The following CC2D1B variants were observed in gnomAD, a reference collection of about 807,000 sequenced individuals.
CC2D1B encodes the protein coiled-coil and C2 domain-containing protein 1B.
Under a neutral mutation model 110.8 loss-of-function variants are expected in CC2D1B, and 92 were observed. The observed-to-expected ratio is 0.83, with a 90% CI of 0.70 to 0.99. The LOEUF is 0.99. Ranked by LOEUF, CC2D1B falls within the 50% of genes least tolerant of loss-of-function variation. The pLI, the probability that CC2D1B is intolerant of heterozygous loss-of-function variation, is 0.00. For missense variants in CC2D1B, 1,136 were observed against 1,089.0 expected, an observed-to-expected ratio of 1.04 and a Z score of -0.61; for synonymous variants, 406 against 429.2, an observed-to-expected ratio of 0.95 and a Z score of 0.67.
intron 1 of CC2D1B, among the ~76,000 whole-genome samples, chr1:52,365,709 AG>A (rs902363029): frequency 2.6e-5 from 4 of 152,194 alleles, no homozygotes; most frequent in Non-Finnish European, 5.9e-5. Context: ...CACAGAAGGT[AG>A]GGGGAAAAGG....
rs1039101713 is a variant in CC2D1B at position 52,354,520 on chromosome 1, A to T, written c.2430+88T>A. ...GAGAATTTCAAATTAAGTAATGAGCACGAAAACCTACAACAAGGTGTGGCA... is the reference window on the plus strand; with the variant it reads ...GAGAATTTCAAATTAAGTAATGAGCTCGAAAACCTACAACAAGGTGTGGCA... On this transcript the variant is annotated intron_variant, in intron 23 of 24. Coordinates refer to ENST00000284376, the MANE Select transcript of CC2D1B (RefSeq NM_001330585.2). The T allele has an allele frequency of 1.4e-5, 15 of 1,082,208 alleles. No homozygotes were observed. In the African/African-American group the frequency reaches 2.2e-4, roughly 16 times the overall value. 67.0% of individuals were successfully genotyped at this position (1,082,208 alleles called of 1,614,324 possible). A position where few individuals can be genotyped will look rare whatever the true frequency, so the allele number is the denominator to read the frequency against.
Position 52,364,638 on chromosome 1 carries a change from T to G in CC2D1B, c.-14-4A>C, listed in dbSNP as rs1371016910. 8.8e-6 allele frequency: 14 copies of G among 1,594,100 alleles called. No homozygotes were observed. The highest frequency in any genetic ancestry group is 1.7e-4 in the Middle Eastern group (1 of 6,000). On this transcript the variant is annotated splice_region_variant and splice_polypyrimidine_tract_variant and intron_variant, in intron 1 of 24. Transcript: ENST00000284376. ...GGCATCATGGCAGCCTAGATACCTATGGAAGAGTTACAGAGATTCAGGCTG... is the reference window on the plus strand; with the variant it reads ...GGCATCATGGCAGCCTAGATACCTAGGGAAGAGTTACAGAGATTCAGGCTG...
intron 23 of CC2D1B, 121 bp downstream of exon 23, chr1:52,354,487 C>T: frequency 1.1e-6 from 1 of 878,970 alleles, no homozygotes; most frequent in Non-Finnish European, 1.9e-6. Context: ...ACTCTAAGCA[C>T]ACTTGTGGAG....
Position 52,357,535 on chromosome 1 carries a change from A to G in CC2D1B, c.1743T>C (p.Asp581=), listed in dbSNP as rs1284401414. The G allele has an allele frequency of 5.1e-6, 8 of 1,576,818 alleles. No individual in the cohort carries two copies. Among genetic ancestry groups the G allele is most frequent in the Non-Finnish European group, 6.9e-6 (8 of 1,159,760 alleles). ...ACCAGGTGGGACTCACCTTGGACAG[A>G]TCAACAGGTCTGCCAGATCGGGCCT... ...IIQARSGRPV[D]LSKVPSPLTD... is the part of the protein sequence containing the mutation. Residue 581 remains aspartate, a synonymous_variant, in exon 15 of 25, where the codon GAT becomes GAC. Coordinates refer to ENST00000284376, the MANE Select transcript of CC2D1B (RefSeq NM_001330585.2).
intron 14 of CC2D1B, 34 bp from the exon 15 acceptor site, chr1:52,357,732 C>T (rs779635878): frequency 3.7e-6 from 6 of 1,609,242 alleles, no homozygotes; most frequent in South Asian, 1.1e-5. Flanking sequence ...AGGGCCACAC[C>T]TGCCCTCTCT....
intron 4 of CC2D1B, 68 bp from the exon 5 acceptor site, chr1:52,361,200 GT>G: frequency 6.4e-7 from 1 of 1,567,206 alleles, no homozygotes; most frequent in Non-Finnish European, 8.7e-7. Flanking sequence ...GGACCTGAGA[GT>G]AAAGGACCCT....
intron 3 of CC2D1B, 88 bp downstream of exon 3, chr1:52,362,514 G>T: frequency 6.7e-7 from 1 of 1,497,574 alleles, no homozygotes; most frequent in Non-Finnish European, 9.2e-7. Context: ...GATCTGGCTG[G>T]CTCCGTCCAG....
rs746128927 is a variant in CC2D1B at position 52,357,560 on chromosome 1, TG to T, written c.1717del (p.Gln573ArgfsTer17). 1 of 1,582,568 alleles carries T rather than the reference TG, an allele frequency of 6.3e-7. No homozygotes were observed. The highest frequency in any genetic ancestry group is 1.8e-5 in the Admixed American group (1 of 55,850). The part of the protein sequence containing the change: ...VAKWLEAQII[Q>X]ARSGRPVDLS... ...ATCAACAGGTCTGCCAGATCGGGCC[TG>T]GATGATCTGAGCCTCAAGCCATTTG... On this transcript the variant is annotated frameshift_variant, in exon 15 of 25. Coordinates refer to ENST00000284376, the MANE Select transcript of CC2D1B (RefSeq NM_001330585.2). LOFTEE classifies it high-confidence loss of function.
At chr1:52,365,023 A>T (rs964565706) in intron 1 of CC2D1B, among the ~76,000 whole-genome samples, 2 of 152,258 alleles carry the variant, frequency 1.3e-5, no homozygotes, top group Non-Finnish European at 2.9e-5. Flanking sequence ...TCCATCAGCC[A>T]CAACAGACAC....
At chr1:52,360,872 G>A (rs574761656) in intron 5 of CC2D1B, 102 bp downstream of exon 5, 47 of 1,436,560 alleles carry the variant, frequency 3.3e-5, no homozygotes, top group Non-Finnish European at 4.4e-5. Flanking sequence ...GAGGGTCCTG[G>A]AAAGGGTGAC....
rs1329707606 is a variant in CC2D1B, at chr1:52,356,992, C to T, written c.1878+9G>A. ...ACAGAGGGGAGGAACAGACGAGGGG[C>T]CTGCTGACCTCTTGTTGCTCCAGAA... is the stretch of plus-strand genomic sequence containing the variant. On this transcript the variant is annotated intron_variant, in intron 16 of 24. Coordinates refer to ENST00000284376, the MANE Select transcript of CC2D1B (RefSeq NM_001330585.2). The T allele has an allele frequency of 1.3e-6, 2 of 1,550,710 alleles. No individual in the cohort carries two copies. The highest frequency in any genetic ancestry group is 1.7e-6 in the Non-Finnish European group (2 of 1,146,846).
chr1:52,360,294 G>A lies in CC2D1B; in HGVS notation c.604-61C>T, dbSNP rs375446470. 3.2e-5 allele frequency: 52 copies of A among 1,605,870 alleles called. No individual in the cohort carries two copies. The African/African-American group carries it at 5.2e-4, about 16-fold the overall frequency. On this transcript the variant is annotated intron_variant, in intron 6 of 24. Transcript: ENST00000284376. ...CATCTCAGCCCAGACCCTGCTCCAA[G>A]ACAGGCCAGGGGTGGCCCCCCAACC...
chr1:52,355,730 C>T (rs374468381), intron 19 of CC2D1B, 41 bp downstream of exon 19: 25 of 1,613,474 alleles, frequency 1.5e-5, no homozygotes, highest in East Asian at 2.2e-5. Flanking sequence ...TTGGAGTGTC[C>T]GGGCAAGAGC....
chr1:52,365,659 G>A (rs1418074568), intron 1 of CC2D1B, among the ~76,000 whole-genome samples: 1 of 152,196 alleles, frequency 6.6e-6, no homozygotes, highest in East Asian at 1.9e-4. Context: ...GGATCGTATC[G>A]GTGTTTCAGA....
At position 52,354,488 on chromosome 1, in the gene CC2D1B, A is replaced by G. The variant is rs941995134; in HGVS notation, c.2430+120T>C. ...TGAGGATTCCACCTACTCTAAGCACACTTGTGGAGAATTTCAAATTAAGTA... is the reference window on the plus strand; with the variant it reads ...TGAGGATTCCACCTACTCTAAGCACGCTTGTGGAGAATTTCAAATTAAGTA... On this transcript the variant is annotated intron_variant, in intron 23 of 24. Coordinates refer to ENST00000284376, the MANE Select transcript of CC2D1B (RefSeq NM_001330585.2). The G allele has an allele frequency of 3.4e-6, 3 of 879,544 alleles. No individual in the cohort carries two copies. The African/African-American group carries it at 4.9e-5, about 14-fold the overall frequency. The allele number at this position is 879,544 out of a possible 1,614,324, so 54.5% of individuals were successfully genotyped here.
intron 24 of CC2D1B, 114 bp downstream of exon 24, chr1:52,353,404 G>A: frequency 6.6e-7 from 1 of 1,522,282 alleles, no homozygotes; most frequent in Non-Finnish European, 8.8e-7. Context: ...ACCCAGCATG[G>A]TAGGTCTTTC....
intron 15 of CC2D1B, 66 bp downstream of exon 15, chr1:52,357,460 C>T: frequency 6.7e-7 from 1 of 1,486,334 alleles, no homozygotes; most frequent in East Asian, 2.5e-5. Flanking sequence ...TTGTTCACAG[C>T]CTGTCAAGCC....
chr1:52,362,771 GAACCACACAACA>G, intron 2 of CC2D1B, 25 bp from the exon 3 acceptor site: 1 of 1,612,830 alleles, frequency 6.2e-7, no homozygotes, highest in Non-Finnish European at 8.5e-7. Context: ...GGACTCTTAG[GAACCACACAACA>G]AGCAGGGTAG....
chr1:52,357,706 GAGA>G lies in CC2D1B; in HGVS notation c.1580-11_1580-9del. On this transcript the variant is annotated splice_polypyrimidine_tract_variant and intron_variant, in intron 14 of 24. Transcript: ENST00000284376. Reference sequence around the variant, plus strand: ...GTGCCAGCTGCTCCCGCACTGAAGGGAGAAGGCCACTGGTTAGGGCCACACCTG... The same window carrying G: ...GTGCCAGCTGCTCCCGCACTGAAGGGAGGCCACTGGTTAGGGCCACACCTG... The G allele has an allele frequency of 6.2e-7, 1 of 1,609,164 alleles. No homozygotes were observed. The highest frequency in any genetic ancestry group is 8.5e-7 in the Non-Finnish European group (1 of 1,177,762).
Sources: allele counts gnomAD v4.1 joint callset (sites outside exome capture counted in the v4.1 genomes callset), GRCh38; gene constraint gnomAD v4.1.1; transcripts MANE v1.5; gene names NCBI Gene and HGNC (gene_info 2026-07-23, HGNC 2026-07-21).